Variants in STAG1 observed in about 807,000 individuals in gnomAD.
STAG1 encodes the protein cohesin subunit SA-1.
A neutral mutation model predicts 170.9 loss-of-function variants in STAG1; 26 were observed. The ratio of observed to expected loss-of-function variants is 0.15; its 90% CI spans 0.11 to 0.21. The LOEUF (loss-of-function observed/expected upper bound fraction) is 0.21. Among genes scored for constraint, STAG1 ranks in the 10% least tolerant of loss-of-function variants. The probability of loss-of-function intolerance (pLI) is 1.00; values close to 1 mark genes in which losing one functional copy is unlikely to be tolerated. For missense variants in STAG1, 964 were observed against 1,509.5 expected (o/e 0.64, Z 5.99); for synonymous variants, 514 against 497.7 (o/e 1.03, Z -0.44).
intron 21 of STAG1, among the ~76,000 whole-genome samples, chr3:136,403,224 T>TAAAAAAAAAAAAAAAAAAAAA (rs55678408): frequency 4.0e-3 from 133 of 33,610 alleles, no homozygotes; most frequent in Admixed American, 5.2e-3. Flanking sequence ...GAGACTGTCT[T>TAAAAAAAAAAAAAAAAAAAAA]AAAAAAAAAA....
intron 1 of STAG1, among the ~76,000 whole-genome samples, chr3:136,719,649 AGGTGGGTG>A (rs1242708655): frequency 2.7e-4 from 5 of 18,730 alleles, no homozygotes; most frequent in Non-Finnish European, 1.1e-4. Flanking sequence ...GTAGGTGGGT[AGGTGGGTG>A]GGTGGGTAGG....
chr3:136,467,779 T>C (rs2089509932), intron 12 of STAG1, among the ~76,000 whole-genome samples: 4 of 152,100 alleles, frequency 2.6e-5, no homozygotes, highest in Admixed American at 2.6e-4. Context: ...CCTCAGCAAA[T>C]GTAAAAGAAC....
intron 14 of STAG1, among the ~76,000 whole-genome samples, chr3:136,450,987 G>C (rs540787057): frequency 6.6e-6 from 1 of 152,010 alleles, no homozygotes; most frequent in Non-Finnish European, 1.5e-5. Flanking sequence ...GGCCTGAAGT[G>C]ATCTGCCCAC....
intron 20 of STAG1, among the ~76,000 whole-genome samples, chr3:136,420,226 G>A (rs1248697242): frequency 2.4e-5 from 3 of 123,360 alleles, no homozygotes; most frequent in Non-Finnish European, 1.6e-5. Context: ...CAGTCTGGGC[G>A]ACAGAGTGAG....
At chr3:136,718,062 T>G (rs181707302) in intron 1 of STAG1, among the ~76,000 whole-genome samples, 39 of 152,274 alleles carry the variant, frequency 2.6e-4, no homozygotes, top group African/African-American at 9.4e-4. Flanking sequence ...ACTCGTGTAT[T>G]TACTGTAAAA....
rs775322957 is a variant in STAG1 at position 136,500,285 on chromosome 3, A to G, written c.840T>C (p.Asn280=). ...LLQKRKELQE[N]QDEIENMMNS... The stretch of plus-strand genomic sequence containing the variant: ...TCATCATATTTTCGATTTCATCCTG[A>G]TTTTCTTGCAGCTGAAATGAAAAAA... Residue 280 remains asparagine (N), a synonymous_variant, in exon 9 of 34, where the codon AAT becomes AAC. Coordinates refer to ENST00000383202, the MANE Select transcript of STAG1 (RefSeq NM_005862.3). The G allele has an allele frequency of 7.2e-5, 115 of 1,586,916 alleles. No individual in the cohort carries two copies. The highest frequency in any genetic ancestry group is 9.9e-5 in the Non-Finnish European group (115 of 1,161,080).
intron 6 of STAG1, among the ~76,000 whole-genome samples, chr3:136,535,088 AACAGC>A (rs1935554814): frequency 2.0e-5 from 3 of 152,248 alleles, no homozygotes; most frequent in African/African-American, 7.2e-5. Context: ...AGTCATTTGC[AACAGC>A]ATGAATAGAA....
At chr3:136,528,799 A>G (rs1270590139) in intron 6 of STAG1, among the ~76,000 whole-genome samples, 4 of 151,870 alleles carry the variant, frequency 2.6e-5, no homozygotes, top group African/African-American at 9.7e-5. Context: ...GCATGGTGGT[A>G]TGTGCCTGTA....
chr3:136,492,596 A>T (rs2090143941), intron 9 of STAG1, among the ~76,000 whole-genome samples: 2 of 152,210 alleles, frequency 1.3e-5, no homozygotes, highest in South Asian at 4.1e-4. Flanking sequence ...CAGAATGGTA[A>T]TCTCTGAGAG....
At chr3:136,451,029 G>A (rs183364281) in intron 14 of STAG1, among the ~76,000 whole-genome samples, 2 of 152,166 alleles carry the variant, frequency 1.3e-5, no homozygotes, top group African/African-American at 2.4e-5. Flanking sequence ...GATTACAAGC[G>A]TGAGCCACTG....
At chr3:136,632,873 G>T (rs1025847196) in intron 1 of STAG1, among the ~76,000 whole-genome samples, 3 of 152,054 alleles carry the variant, frequency 2.0e-5, no homozygotes, top group Admixed American at 2.0e-4. Context: ...GAACCTATCT[G>T]CAAATACCCA....
intron 25 of STAG1, among the ~76,000 whole-genome samples, chr3:136,363,910 C>T (rs375205974): frequency 2.0e-5 from 3 of 151,964 alleles, no homozygotes; most frequent in African/African-American, 4.8e-5. Context: ...TGTGCCACCA[C>T]GCCTGGCTAA....
rs1400849707 is a variant in STAG1 at position 136,544,280 on chromosome 3, T to C, written c.395-2085A>G. Among the ~76,000 whole-genome samples, 3 of 152,240 alleles carry C rather than the reference T, an allele frequency of 2.0e-5. No homozygotes were observed. In the East Asian group the frequency reaches 5.8e-4, roughly 29 times the overall value. On this transcript the variant is annotated intron_variant, in intron 5 of 33. Transcript: ENST00000383202. ...AGTTTAGAGAAATGTCTCAACCCTG[T>C]CCCTCCTCAGTCATTTTCAATTCTC...
At chr3:136,562,856 G>A (rs2107753741) in intron 5 of STAG1, among the ~76,000 whole-genome samples, 1 of 152,308 alleles carries the variant, frequency 6.6e-6, no homozygotes, top group Admixed American at 6.5e-5. Context: ...CCAAAGTGCT[G>A]GGATTACAGG....
chr3:136,376,571 G>C (rs1937616549), intron 23 of STAG1, among the ~76,000 whole-genome samples: 1 of 152,142 alleles, frequency 6.6e-6, no homozygotes, highest in Non-Finnish European at 1.5e-5. Flanking sequence ...CTCTTCTCTA[G>C]GCATACTGCA....
intron 22 of STAG1, among the ~76,000 whole-genome samples, chr3:136,390,129 C>G (rs1413117294): frequency 1.3e-5 from 2 of 152,106 alleles, no homozygotes; most frequent in African/African-American, 4.8e-5. Context: ...CCACGCCCGG[C>G]CCCTTATGCT....
In STAG1 at chr3:136,472,487, G is replaced by A; in HGVS notation, c.1131C>T (p.Arg377=). The change falls in exon 12 of 34, where the codon CGC becomes CGT. Residue 377 remains arginine, a synonymous_variant. Coordinates refer to ENST00000383202, the MANE Select transcript of STAG1 (RefSeq NM_005862.3). ...LELFTNRFKD[R]IVSMTLDKEY... is the part of the protein sequence containing the mutation. ...CTTTATCAAGTGTCATTGATACAAT[G>A]CGATCCTGAGAAAAAAAAGTTGTAA... 1 of 1,611,050 alleles carries A rather than the reference G, an allele frequency of 6.2e-7. No homozygotes were observed. The highest frequency in any genetic ancestry group is 8.5e-7 in the Non-Finnish European group (1 of 1,178,394).
chr3:136,597,286 C>T (rs1220466930), intron 4 of STAG1, among the ~76,000 whole-genome samples: 1 of 151,962 alleles, frequency 6.6e-6, no homozygotes, highest in Non-Finnish European at 1.5e-5. Flanking sequence ...ATGTTATATT[C>T]TTAGTAAAGA....
chr3:136,445,744 T>G, intron 14 of STAG1, among the ~76,000 whole-genome samples: 1 of 152,202 alleles, frequency 6.6e-6, no homozygotes, highest in East Asian at 1.9e-4. Flanking sequence ...GACTATCCCC[T>G]TTCTATCCCT....
Sources: gnomAD v4.1 joint callset for allele counts (sites outside exome capture counted in the v4.1 genomes callset) on GRCh38, gnomAD v4.1.1 for gene constraint, MANE v1.5 for transcripts, NCBI Gene and HGNC (gene_info 2026-07-23, HGNC 2026-07-21) for gene names.